ZFYVE1: variants seen among roughly 807,000 people sequenced by gnomAD.
ZFYVE1 encodes the protein zinc finger FYVE domain-containing protein 1.
A neutral mutation model predicts 74.4 loss-of-function variants in ZFYVE1; 30 were observed. The observed-to-expected ratio is 0.40, with a 90% CI of 0.30 to 0.55. ZFYVE1 has a LOEUF of 0.55. ZFYVE1 is among the 20% of genes least tolerant of loss of function. ZFYVE1 has a pLI of 0.42. For synonymous variants in ZFYVE1, 335 were observed against 385.1 expected (o/e 0.87, Z 1.52); for missense variants, 703 against 1,011.6 (o/e 0.69, Z 4.14).
At chr14:73,017,254 A>G (rs111656804) in intron 2 of ZFYVE1, among the ~76,000 whole-genome samples, 5 of 152,226 alleles carry the variant, frequency 3.3e-5, no homozygotes, top group Non-Finnish European at 7.3e-5. Flanking sequence ...TCACTTTCTT[A>G]GTGTCAGCAC....
intron 4 of ZFYVE1, among the ~76,000 whole-genome samples, chr14:72,988,773 C>T (rs1286386034): frequency 1.3e-4 from 19 of 146,464 alleles, no homozygotes. Context: ...CATCACTGTA[C>T]TCCAGCCTGA....
At chr14:73,002,010 T>C (rs1407417209) in intron 2 of ZFYVE1, among the ~76,000 whole-genome samples, 1 of 151,958 alleles carries the variant, frequency 6.6e-6, no homozygotes, top group Non-Finnish European at 1.5e-5. Flanking sequence ...AACATTTAGG[T>C]AGAAATGCTG....
intron 4 of ZFYVE1, among the ~76,000 whole-genome samples, chr14:72,984,575 A>T (rs2140354183): frequency 6.6e-6 from 1 of 152,250 alleles, no homozygotes; most frequent in Non-Finnish European, 1.5e-5. Context: ...AGAGGATATG[A>T]ATGAATATAT....
intron 10 of ZFYVE1, 127 bp downstream of exon 10, chr14:72,974,652 G>T: frequency 2.4e-6 from 3 of 1,265,370 alleles, no homozygotes; most frequent in Non-Finnish European, 3.2e-6. Flanking sequence ...AGGCTGACTG[G>T]CCAAGACCAG....
At position 73,024,566 on chromosome 14, in the gene ZFYVE1, G is replaced by A. The variant is rs137948364; in HGVS notation, c.-58C>T. ...TAATAGTCACTGAGCTTGCCCCGGG[G>A]GTGAAGACGAAGATTTGAGTCTGAA... On this transcript the variant is annotated 5_prime_UTR_variant, in exon 2 of 12. Coordinates refer to ENST00000556143, the MANE Select transcript of ZFYVE1 (RefSeq NM_021260.4). The A allele has an allele frequency of 1.3e-6, 2 of 1,520,846 alleles. No individual in the cohort carries two copies. The highest frequency in any genetic ancestry group is 1.4e-5 in the African/African-American group (1 of 72,018). 94.2% of individuals were successfully genotyped at this position (1,520,846 alleles called of 1,614,324 possible).
chr14:73,023,116 G>C (rs559025122), intron 2 of ZFYVE1, among the ~76,000 whole-genome samples: 3 of 146,136 alleles, frequency 2.1e-5, no homozygotes, highest in African/African-American at 7.6e-5. Context: ...AGCCAAGATG[G>C]CACCACTGCA....
In ZFYVE1 at chr14:73,022,036, C is replaced by A. The variant is rs1046029459; in HGVS notation, c.483+1990G>T. On this transcript the variant is annotated intron_variant, in intron 2 of 11. Transcript: ENST00000556143. ...TGGCAACAACCAAACTATGACTTTC[C>A]AAAAGCTGACATTACAGAGAACTGA... Among the ~76,000 whole-genome samples, 12 of 152,302 alleles carry A rather than the reference C, an allele frequency of 7.9e-5. No homozygotes were observed. In the South Asian group the frequency reaches 2.1e-3, roughly 26 times the overall value.
intron 3 of ZFYVE1, among the ~76,000 whole-genome samples, chr14:72,996,980 G>C (rs1417373799): frequency 1.3e-5 from 2 of 152,072 alleles, no homozygotes; most frequent in Non-Finnish European, 2.9e-5. Context: ...TACCACTCAG[G>C]TGACAATCTT....
At chr14:72,992,485 G>A (rs1289320958) in intron 4 of ZFYVE1, among the ~76,000 whole-genome samples, 1 of 152,070 alleles carries the variant, frequency 6.6e-6, no homozygotes, top group African/African-American at 2.4e-5. Flanking sequence ...GTTGGTGTAA[G>A]GATTAAGTGA....
intron 2 of ZFYVE1, among the ~76,000 whole-genome samples, chr14:73,017,343 T>C (rs1329743607): frequency 2.0e-5 from 3 of 152,200 alleles, no homozygotes; most frequent in Admixed American, 6.5e-5. Flanking sequence ...AGTAGCACCC[T>C]GGCCTCTATG....
At chr14:73,023,433 ATATATATATTT>A (rs1347748410) in intron 2 of ZFYVE1, among the ~76,000 whole-genome samples, 2 of 132,596 alleles carry the variant, frequency 1.5e-5, no homozygotes, top group African/African-American at 5.6e-5. Context: ...TATATATATT[ATATATATATTT>A]TATATATGTT....
At position 73,015,349 on chromosome 14, in the gene ZFYVE1, GAAGGAAGGGGGA is replaced by G. The variant is rs1367010812; in HGVS notation, c.483+8665_483+8676del. Reference sequence around the variant, plus strand: ...GGAAGGAAAGGGGGGAAGGAAAGGGGAAGGAAGGGGGAAAGGAAGAGGGGAAGGAAGGGGGGA... The same window carrying G: ...GGAAGGAAAGGGGGGAAGGAAAGGGGAAGGAAGAGGGGAAGGAAGGGGGGA... On this transcript the variant is annotated intron_variant, in intron 2 of 11. Coordinates refer to ENST00000556143, the MANE Select transcript of ZFYVE1 (RefSeq NM_021260.4). Among the ~76,000 whole-genome samples the G allele has an allele frequency of 1.6e-4, 14 of 86,726 alleles. No individual in the cohort carries two copies. The Admixed American group carries it at 1.7e-3, about 11-fold the overall frequency. 56.9% of individuals were successfully genotyped at this position (86,726 alleles called of 152,430 possible). A position where few individuals can be genotyped will look rare whatever the true frequency, so the allele number is the denominator to read the frequency against.
chr14:72,988,635 C>A (rs1402809411), intron 4 of ZFYVE1, among the ~76,000 whole-genome samples: 1 of 151,318 alleles, frequency 6.6e-6, no homozygotes, highest in Non-Finnish European at 1.5e-5. Flanking sequence ...GGTGAAACCC[C>A]GTCTCTACTA....
chr14:72,979,489 TA>T (rs1305652700), intron 5 of ZFYVE1, among the ~76,000 whole-genome samples: 4 of 150,854 alleles, frequency 2.7e-5, no homozygotes, highest in African/African-American at 9.8e-5. Flanking sequence ...CCGTCTCTAC[TA>T]AAAATACAAA....
At chr14:72,987,981 G>C (rs1312273553) in intron 4 of ZFYVE1, among the ~76,000 whole-genome samples, 1 of 152,076 alleles carries the variant, frequency 6.6e-6, no homozygotes, top group Non-Finnish European at 1.5e-5. Context: ...CTCTCTCTCT[G>C]TCTCTCTCTC....
chr14:72,976,809 A>G lies in ZFYVE1; in HGVS notation c.1636-1088T>C, dbSNP rs542094326. Among the ~76,000 whole-genome samples the G allele has an allele frequency of 4.6e-5, 7 of 152,130 alleles. No individual in the cohort carries two copies. The South Asian group carries it at 1.0e-3, about 23-fold the overall frequency. On this transcript the variant is annotated intron_variant, in intron 8 of 11. Transcript: ENST00000556143. ...AAAAAAAAAAAAAAAAGTTTAAAAA[A>G]TAAGGAAATCTTCAGTTTTATGGTA...
At chr14:73,016,507 G>A (rs541986729) in intron 2 of ZFYVE1, among the ~76,000 whole-genome samples, 97 of 140,372 alleles carry the variant, frequency 6.9e-4, no homozygotes, top group African/African-American at 2.6e-3. Flanking sequence ...GCAAGATTCC[G>A]TCTCAAATAA....
chr14:72,994,321 T>TAAAAAA (rs1189191352), intron 3 of ZFYVE1, among the ~76,000 whole-genome samples: 1 of 23,092 alleles, frequency 4.3e-5, no homozygotes, highest in Non-Finnish European at 8.8e-5. Context: ...AGACGCTGTC[T>TAAAAAA]CAAAAAAAAA....
At chr14:73,016,073 T>TTCTA (rs1185277959) in intron 2 of ZFYVE1, among the ~76,000 whole-genome samples, 5 of 152,156 alleles carry the variant, frequency 3.3e-5, no homozygotes. Context: ...GATGGGAAAA[T>TTCTA]TCTATCCTCT....
Sources: gnomAD v4.1 joint callset for allele counts (sites outside exome capture counted in the v4.1 genomes callset) on GRCh38, gnomAD v4.1.1 for gene constraint, MANE v1.5 for transcripts, NCBI Gene and HGNC (gene_info 2026-07-23, HGNC 2026-07-21) for gene names.